Variants in DTNB observed in about 807,000 individuals in gnomAD.
DTNB encodes the protein DTN-B.
In DTNB, 63 loss-of-function variants were observed where a neutral mutation model predicts 90.7. The observed-to-expected ratio is 0.69, with a 90% CI of 0.57 to 0.86. The LOEUF is 0.86. Ranked by LOEUF, DTNB falls within the 40% of genes least tolerant of loss-of-function variation. The probability of loss-of-function intolerance (pLI) is 0.00; values close to 1 mark genes in which losing one functional copy is unlikely to be tolerated. For missense variants in DTNB, 744 were observed against 807.1 expected, an observed-to-expected ratio of 0.92 and a Z score of 0.95; for synonymous variants, 277 against 286.7, an observed-to-expected ratio of 0.97 and a Z score of 0.34.
At chr2:25,650,047 T>C in intron 2 of DTNB, 1 of 985,412 alleles carries the variant, frequency 1.0e-6, no homozygotes, top group South Asian at 4.7e-5. Context: ...CTGACTGTTA[T>C]CCTTAAGTCA....
At chr2:25,416,515 T>C (rs1306225200) in intron 16 of DTNB, among the ~76,000 whole-genome samples, 1 of 151,898 alleles carries the variant, frequency 6.6e-6, no homozygotes, top group Non-Finnish European at 1.5e-5. Context: ...CTACTAAAAA[T>C]ACAAAAATTA....
At chr2:25,531,623 G>C in intron 8 of DTNB, 26 bp from the exon 9 acceptor site, 1 of 1,595,200 alleles carries the variant, frequency 6.3e-7, no homozygotes, top group East Asian at 2.2e-5. Context: ...AAATAGTAAG[G>C]AATTAACCCT....
At chr2:25,465,904 T>A (rs1283788713) in intron 10 of DTNB, among the ~76,000 whole-genome samples, 2 of 152,202 alleles carry the variant, frequency 1.3e-5, no homozygotes, top group Non-Finnish European at 2.9e-5. Flanking sequence ...AGCAGCTACA[T>A]AAAAGCAGAG....
intron 1 of DTNB, among the ~76,000 whole-genome samples, chr2:25,663,200 A>C (rs2083630961): frequency 6.6e-6 from 1 of 152,110 alleles, no homozygotes; most frequent in Non-Finnish European, 1.5e-5. Flanking sequence ...GCTGAGAATG[A>C]TGGCTTCCAG....
intron 13 of DTNB, 32 bp downstream of exon 13, chr2:25,433,878 T>C: frequency 1.9e-6 from 3 of 1,610,506 alleles, no homozygotes; most frequent in Non-Finnish European, 2.5e-6. Flanking sequence ...AATCCTGGAC[T>C]CTGGAAGTGG....
intron 8 of DTNB, among the ~76,000 whole-genome samples, chr2:25,565,949 G>A (rs1252284170): frequency 6.6e-6 from 1 of 152,136 alleles, no homozygotes; most frequent in Non-Finnish European, 1.5e-5. Flanking sequence ...AGCGAACCCT[G>A]TCCTTGTATG....
intron 3 of DTNB, among the ~76,000 whole-genome samples, chr2:25,631,495 C>T (rs905980625): frequency 6.6e-6 from 1 of 151,408 alleles, no homozygotes; most frequent in African/African-American, 2.4e-5. Flanking sequence ...ATTGCCTAAG[C>T]CCAGGAGTTG....
rs1447604526 is a variant in DTNB, at chr2:25,531,549, A to C, written c.925T>G (p.Cys309Gly). Residue 309 changes from cysteine (C) to glycine (G), a missense_variant, in exon 9 of 21, where the codon TGT becomes GGT. Coordinates refer to ENST00000406818, the MANE Select transcript of DTNB (RefSeq NM_021907.5). Reference protein sequence around the residue: ...LSHAISKSLGCVPTREPPHPV... With the variant: ...LSHAISKSLGGVPTREPPHPV... ...TGCGGGGGTTCTCTCGTGGGTACAC[A>C]CCCCAAAGATTTACTAATTGCATGG... 1.9e-6 allele frequency: 3 copies of C among 1,613,642 alleles called. No homozygotes were observed. Among genetic ancestry groups the C allele is most frequent in the African/African-American group, 1.3e-5 (1 of 74,888 alleles).
rs778601864 is a variant in DTNB, at chr2:25,519,845, T to C, written c.1001+11628A>G. ...TGAATCTGATACTCCTTTCAAGCAATTGGAACATCAGATTCACCTAGAGGT... is the reference window on the plus strand; with the variant it reads ...TGAATCTGATACTCCTTTCAAGCAACTGGAACATCAGATTCACCTAGAGGT... On this transcript the variant is annotated intron_variant, in intron 9 of 20. Coordinates refer to ENST00000406818, the MANE Select transcript of DTNB (RefSeq NM_021907.5). Among the ~76,000 whole-genome samples, 8 of 152,174 alleles carry C rather than the reference T, an allele frequency of 5.3e-5. No individual in the cohort carries two copies. The East Asian group carries it at 5.8e-4, about 11-fold the overall frequency.
intron 4 of DTNB, among the ~76,000 whole-genome samples, chr2:25,607,601 C>G (rs2067419861): frequency 6.6e-6 from 1 of 152,060 alleles, no homozygotes; most frequent in Admixed American, 6.6e-5. Flanking sequence ...ATGGATGAAC[C>G]TGAAGTGAAT....
intron 11 of DTNB, among the ~76,000 whole-genome samples, chr2:25,452,774 A>G (rs2059469203): frequency 6.6e-6 from 1 of 151,564 alleles, no homozygotes; most frequent in Admixed American, 6.6e-5. Flanking sequence ...TCTTTGGCTA[A>G]GTCTTTAAGC....
intron 16 of DTNB, among the ~76,000 whole-genome samples, chr2:25,412,919 GGGACTTCATCAGTCTCT>G (rs2046953402): frequency 6.6e-6 from 1 of 152,196 alleles, no homozygotes; most frequent in Non-Finnish European, 1.5e-5. Flanking sequence ...ATTGCCAGTA[GGGACTTCATCAGTCTCT>G]GGTGACCCTA....
chr2:25,543,930 C>T (rs1364124817), intron 8 of DTNB, among the ~76,000 whole-genome samples: 1 of 152,136 alleles, frequency 6.6e-6, no homozygotes, highest in Non-Finnish European at 1.5e-5. Context: ...AACATATAGG[C>T]ACAGAAATTA....
chr2:25,436,900 T>C (rs1417660799), intron 12 of DTNB, among the ~76,000 whole-genome samples: 1 of 152,182 alleles, frequency 6.6e-6, no homozygotes, highest in Non-Finnish European at 1.5e-5. Context: ...TTGCTTCATA[T>C]GATGATGAAA....
At chr2:25,382,354 G>A (rs1573612322) in intron 19 of DTNB, among the ~76,000 whole-genome samples, 1 of 152,182 alleles carries the variant, frequency 6.6e-6, no homozygotes, top group South Asian at 2.1e-4. Flanking sequence ...CTGCCTTGAG[G>A]AGCTGATGTT....
intron 4 of DTNB, among the ~76,000 whole-genome samples, chr2:25,609,695 CACACACACACACAA>C (rs1166445661): frequency 1.4e-5 from 2 of 147,500 alleles, no homozygotes; most frequent in Admixed American, 1.3e-4. Flanking sequence ...CACACACACA[CACACACACACACAA>C]AATTAAAAAT....
intron 9 of DTNB, among the ~76,000 whole-genome samples, chr2:25,484,348 C>T (rs1037632667): frequency 2.0e-5 from 3 of 152,152 alleles, no homozygotes; most frequent in African/African-American, 2.4e-5. Flanking sequence ...TTTCTCCTTC[C>T]GTTTAAGGAC....
chr2:25,586,689 T>C, intron 6 of DTNB, among the ~76,000 whole-genome samples: 1 of 151,774 alleles, frequency 6.6e-6, no homozygotes, highest in South Asian at 2.1e-4. Flanking sequence ...GAGGACACAA[T>C]CCTAAGATGA....
chr2:25,562,853 A>C (rs2058466922), intron 8 of DTNB, among the ~76,000 whole-genome samples: 1 of 151,918 alleles, frequency 6.6e-6, no homozygotes, highest in South Asian at 2.1e-4. Flanking sequence ...GCTCACTGCA[A>C]CCTCCACCTC....
Sources: allele counts gnomAD v4.1 joint callset (sites outside exome capture counted in the v4.1 genomes callset), GRCh38; gene constraint gnomAD v4.1.1; transcripts MANE v1.5; gene names NCBI Gene and HGNC (gene_info 2026-07-23, HGNC 2026-07-21).